CLIC5: variants seen among roughly 807,000 people sequenced by gnomAD.
The protein encoded by CLIC5 is CLIC family member 5, also known as chloride intracellular channel protein 5.
Under a neutral mutation model 24.7 loss-of-function variants are expected in CLIC5, and 20 were observed. The ratio of observed to expected loss-of-function variants is 0.81; its 90% CI spans 0.57 to 1.18. The LOEUF (loss-of-function observed/expected upper bound fraction) is 1.18, where lower values mean the gene tolerates loss of function less well. Among genes scored for constraint, CLIC5 ranks in the 50% most tolerant of loss-of-function variants. CLIC5 has a pLI of 0.00. For synonymous variants in CLIC5, 159 were observed against 135.6 expected, an observed-to-expected ratio of 1.17 and a Z score of -1.20; for missense variants, 341 against 326.1, an observed-to-expected ratio of 1.05 and a Z score of -0.35.
chr6:46,049,035 C>A (rs541043615), intron 1 of CLIC5, among the ~76,000 whole-genome samples: 2 of 152,162 alleles, frequency 1.3e-5, no homozygotes, highest in African/African-American at 2.4e-5. Flanking sequence ...TTCTCCAGGC[C>A]TCCTGTTTGA....
chr6:45,920,450 T>A (rs1763210905), intron 4 of CLIC5: 4 of 405,436 alleles, frequency 9.9e-6, no homozygotes, highest in Non-Finnish European at 1.3e-5. Flanking sequence ...TTTGAGATCA[T>A]GTTGATATAA....
chr6:46,015,208 C>T (rs901675128), intron 1 of CLIC5, among the ~76,000 whole-genome samples: 1 of 152,212 alleles, frequency 6.6e-6, no homozygotes. Context: ...GCTCTGGACT[C>T]GGACTCGCAG....
chr6:46,078,257 G>A (rs569987237), intron 1 of CLIC5, among the ~76,000 whole-genome samples: 31 of 152,276 alleles, frequency 2.0e-4, no homozygotes, highest in Admixed American at 1.8e-3. Flanking sequence ...CTACTCGGGA[G>A]GCTGAAGCAG....
chr6:45,882,849 A>G (rs375325447), intron 6 of CLIC5, among the ~76,000 whole-genome samples: 2 of 152,250 alleles, frequency 1.3e-5, no homozygotes, highest in African/African-American at 4.8e-5. Context: ...CTTCAGTCAG[A>G]GTATATCATT....
upstream of CLIC5, chr6:46,080,470 C>G (rs932040444): frequency 5.9e-6 from 3 of 509,314 alleles, no homozygotes; most frequent in Non-Finnish European, 6.9e-6. Flanking sequence ...TCAGTTAACT[C>G]CTTCACTCCT....
chr6:46,031,967 A>G (rs1301967985), intron 1 of CLIC5, among the ~76,000 whole-genome samples: 1 of 151,186 alleles, frequency 6.6e-6, no homozygotes, highest in Non-Finnish European at 1.5e-5. Flanking sequence ...CAACAAATAT[A>G]TATATATGTG....
upstream of CLIC5, among the ~76,000 whole-genome samples, chr6:46,019,473 T>G (rs1224265666): frequency 6.6e-6 from 1 of 150,574 alleles, no homozygotes; most frequent in Non-Finnish European, 1.5e-5. Flanking sequence ...GATCATGAGG[T>G]CAGGAGATCG....
At chr6:45,980,836 C>T (rs1445872480) in intron 1 of CLIC5, among the ~76,000 whole-genome samples, 1 of 152,110 alleles carries the variant, frequency 6.6e-6, no homozygotes, top group African/African-American at 2.4e-5. Context: ...AAATTGTCTT[C>T]TTCCACTCTC....
chr6:45,976,285 C>T (rs1023352920), intron 1 of CLIC5, among the ~76,000 whole-genome samples: 7 of 152,172 alleles, frequency 4.6e-5, no homozygotes, highest in Admixed American at 1.3e-4. Context: ...GGTGGGACAT[C>T]GGAAAAGTGT....
At chr6:45,946,431 G>A (rs890267323) in intron 3 of CLIC5, among the ~76,000 whole-genome samples, 1 of 152,188 alleles carries the variant, frequency 6.6e-6, no homozygotes, top group Non-Finnish European at 1.5e-5. Flanking sequence ...TGGAGTGTTT[G>A]TATGTGGTTT....
At chr6:46,115,421 G>A in the CLIC5 span, among the ~76,000 whole-genome samples, 5 of 152,212 alleles carry the variant, frequency 3.3e-5, no homozygotes, top group Admixed American at 6.5e-5. Context: ...CATCCTGGGT[G>A]TGAGCAGGCA....
chr6:46,027,255 G>A (rs1547605), intron 1 of CLIC5, among the ~76,000 whole-genome samples: 76,580 of 152,036 alleles, frequency 0.5, 20,011 homozygotes, highest in Non-Finnish European at 0.58. Context: ...GAGTTCCACT[G>A]GGAAGGCCTC....
intron 1 of CLIC5, among the ~76,000 whole-genome samples, chr6:46,053,124 C>T (rs1221168901): frequency 2.0e-5 from 3 of 152,060 alleles, no homozygotes. Context: ...AGGCCAAATA[C>T]AGAAGGGTCA....
chr6:45,997,797 A>G (rs1766206284), intron 1 of CLIC5, among the ~76,000 whole-genome samples: 1 of 152,174 alleles, frequency 6.6e-6, no homozygotes, highest in Admixed American at 6.5e-5. Flanking sequence ...TTAGGCATGC[A>G]CACACACACA....
At chr6:46,086,036 G>C in the CLIC5 span, among the ~76,000 whole-genome samples, 2 of 152,212 alleles carry the variant, frequency 1.3e-5, no homozygotes, top group Non-Finnish European at 2.9e-5. Flanking sequence ...GTGGGCGTAG[G>C]ACCCTCCGAG....
At chr6:46,112,795 G>A in the CLIC5 span, among the ~76,000 whole-genome samples, 4 of 152,284 alleles carry the variant, frequency 2.6e-5, no homozygotes, top group South Asian at 8.3e-4. Context: ...TGTGGCTGAT[G>A]CCTGTAATTC....
At chr6:45,995,854 A>T (rs1275323255) in intron 1 of CLIC5, among the ~76,000 whole-genome samples, 1 of 152,230 alleles carries the variant, frequency 6.6e-6, no homozygotes, top group African/African-American at 2.4e-5. Context: ...CAGCAAGCTA[A>T]CACAGAAACA....
chr6:45,973,584 C>T (rs1765274197), intron 1 of CLIC5, among the ~76,000 whole-genome samples: 1 of 152,134 alleles, frequency 6.6e-6, no homozygotes, highest in African/African-American at 2.4e-5. Flanking sequence ...ATTCCTTTTA[C>T]AATATAATCA....
the CLIC5 span, among the ~76,000 whole-genome samples, chr6:46,093,726 T>G: frequency 3.9e-4 from 60 of 152,332 alleles, no homozygotes; most frequent in East Asian, 7.7e-3. Flanking sequence ...AGATTTTGTT[T>G]TTTTGTAAAA....
Sources: allele counts gnomAD v4.1 joint callset (sites outside exome capture counted in the v4.1 genomes callset), GRCh38; gene constraint gnomAD v4.1.1; transcripts MANE v1.5; gene names NCBI Gene and HGNC (gene_info 2026-07-23, HGNC 2026-07-21).